CEP63: variants seen among roughly 807,000 people sequenced by gnomAD.
CEP63 encodes centrosomal protein 63.
CEP63 carries 84 observed loss-of-function variants against 89.1 expected under a neutral mutation model. The ratio of observed to expected loss-of-function variants is 0.94; its 90% confidence interval spans 0.79 to 1.13. CEP63 has a LOEUF of 1.13. Among genes scored for constraint, CEP63 ranks in the 50% most tolerant of loss-of-function variants. CEP63 has a pLI of 0.00. For synonymous variants in CEP63, 267 were observed against 272.5 expected (o/e 0.98, Z 0.20); for missense variants, 838 against 813.3 (o/e 1.03, Z -0.37).
intron 1 of CEP63, among the ~76,000 whole-genome samples, chr3:134,491,404 T>TA (rs1937541868): frequency 6.6e-6 from 1 of 152,246 alleles, no homozygotes; most frequent in Admixed American, 6.5e-5. Context: ...CATGTTTCTA[T>TA]AGATTTTTTG....
chr3:134,765,877 CAGAAA>C, the CEP63 span, among the ~76,000 whole-genome samples: 4 of 152,262 alleles, frequency 2.6e-5, no homozygotes, highest in South Asian at 8.3e-4. Context: ...TAGGTAGGGC[CAGAAA>C]AGACATACTG....
At chr3:134,674,410 C>A in the CEP63 span, among the ~76,000 whole-genome samples, 2 of 152,066 alleles carry the variant, frequency 1.3e-5, no homozygotes, top group African/African-American at 4.8e-5. Context: ...TAAAAACACT[C>A]GACAAACTAG....
chr3:134,717,070 T>A, the CEP63 span, among the ~76,000 whole-genome samples: 3 of 152,194 alleles, frequency 2.0e-5, no homozygotes, highest in African/African-American at 7.2e-5. Flanking sequence ...GTCTGGCCTA[T>A]TGTCTGGAGC....
At chr3:134,538,956 A>T (rs1951439073) in intron 6 of CEP63, among the ~76,000 whole-genome samples, 1 of 152,178 alleles carries the variant, frequency 6.6e-6, no homozygotes, top group South Asian at 2.1e-4. Flanking sequence ...CTAGGGTAAG[A>T]AGCCTTTCAA....
chr3:134,642,895 A>T, the CEP63 span, among the ~76,000 whole-genome samples: 1 of 152,144 alleles, frequency 6.6e-6, no homozygotes, highest in Admixed American at 6.5e-5. Flanking sequence ...CAGTTTACTC[A>T]TCTGTAATTT....
chr3:134,673,448 T>C, the CEP63 span, among the ~76,000 whole-genome samples: 23 of 152,252 alleles, frequency 1.5e-4, no homozygotes, highest in African/African-American at 5.5e-4. Flanking sequence ...CAGTGGTCCA[T>C]CAAAATGGCT....
intron 14 of CEP63, among the ~76,000 whole-genome samples, chr3:134,560,350 A>G (rs1394113458): frequency 6.6e-6 from 1 of 152,202 alleles, no homozygotes; most frequent in Admixed American, 6.5e-5. Flanking sequence ...TACTCCCTAA[A>G]CTTTATCTGT....
At chr3:134,606,615 C>T in the CEP63 span, among the ~76,000 whole-genome samples, 1 of 152,136 alleles carries the variant, frequency 6.6e-6, no homozygotes, top group African/African-American at 2.4e-5. Flanking sequence ...GTGTAGTGTC[C>T]GAACTCCTTG....
intron 10 of CEP63, among the ~76,000 whole-genome samples, chr3:134,583,240 A>G (rs987051865): frequency 3.9e-5 from 6 of 152,338 alleles, no homozygotes; most frequent in African/African-American, 1.4e-4. Flanking sequence ...TGTTTTAGAC[A>G]TGAGGCCTTT....
chr3:134,682,271 G>C, the CEP63 span, among the ~76,000 whole-genome samples: 1 of 152,164 alleles, frequency 6.6e-6, no homozygotes. Flanking sequence ...GACTTCTGGG[G>C]TTATCCAGTC....
intron 3 of CEP63, among the ~76,000 whole-genome samples, chr3:134,528,061 T>G (rs1452545423): frequency 6.6e-6 from 1 of 152,208 alleles, no homozygotes; most frequent in Non-Finnish European, 1.5e-5. Context: ...GTGTTCATGG[T>G]GGGCGAGAGG....
In CEP63 at chr3:134,561,765, A is replaced by T; in HGVS notation, c.*230A>T. On this transcript the variant is annotated 3_prime_UTR_variant, in exon 15 of 15. Transcript: ENST00000675561. ...AGTTGAAAGAATAAACCACTTTGCT[A>T]GACTTTTTTCTCATACGAATATTTA... 7.4e-7 allele frequency: 1 copy of T among 1,343,086 alleles called. No individual in the cohort carries two copies. The highest frequency in any genetic ancestry group is 9.5e-7 in the Non-Finnish European group (1 of 1,047,266). The allele number at this position is 1,343,086 out of a possible 1,614,324, so 83.2% of individuals were successfully genotyped here.
intron 3 of CEP63, among the ~76,000 whole-genome samples, chr3:134,517,395 C>T (rs1946488224): frequency 6.6e-6 from 1 of 152,200 alleles, no homozygotes; most frequent in Non-Finnish European, 1.5e-5. Flanking sequence ...AGAATTTTAA[C>T]ACATTTTTCT....
chr3:134,778,611 T>G, the CEP63 span, among the ~76,000 whole-genome samples: 14 of 152,224 alleles, frequency 9.2e-5, no homozygotes, highest in African/African-American at 3.1e-4. Context: ...CAGGCTGGAG[T>G]GCAGTGGCGC....
chr3:134,701,145 TATACATACATACATTATATAC>T, the CEP63 span, among the ~76,000 whole-genome samples: 3 of 151,064 alleles, frequency 2.0e-5, no homozygotes, highest in African/African-American at 7.3e-5. Flanking sequence ...TGCCCCAACA[TATACATACATACATTATATAC>T]ATACATACAT....
At chr3:134,596,052 G>A in the CEP63 span, among the ~76,000 whole-genome samples, 2 of 121,216 alleles carry the variant, frequency 1.6e-5, no homozygotes, top group Non-Finnish European at 3.2e-5. Context: ...AGGTTTGTTT[G>A]TTGGTCTCTG....
chr3:134,588,688 G>A (rs527380369), downstream of CEP63, among the ~76,000 whole-genome samples: 9 of 152,114 alleles, frequency 5.9e-5, no homozygotes, highest in African/African-American at 1.2e-4. Flanking sequence ...CAAACTAAAC[G>A]TCAAGAAAAT....
chr3:134,648,067 G>T, the CEP63 span, among the ~76,000 whole-genome samples: 1 of 152,244 alleles, frequency 6.6e-6, no homozygotes, highest in South Asian at 2.1e-4. Flanking sequence ...GGGAAGGAAA[G>T]CTCTCGCTCT....
the CEP63 span, among the ~76,000 whole-genome samples, chr3:134,596,832 A>G: frequency 6.6e-6 from 1 of 152,212 alleles, no homozygotes. Context: ...GATGAGCAAC[A>G]AAGTGTGACA....
Sources: allele counts gnomAD v4.1 joint callset (sites outside exome capture counted in the v4.1 genomes callset), GRCh38; gene constraint gnomAD v4.1.1; transcripts MANE v1.5; gene names NCBI Gene and HGNC (gene_info 2026-07-23, HGNC 2026-07-21).